Variants in GSE1 observed in about 807,000 individuals in gnomAD.
GSE1 encodes the protein Gse1 coiled-coil protein.
Under a neutral mutation model 112.6 loss-of-function variants are expected in GSE1, and 32 were observed. The ratio of observed to expected loss-of-function variants is 0.28; its 90% CI spans 0.21 to 0.38. The LOEUF is 0.38. Among genes scored for constraint, GSE1 ranks in the 10% least tolerant of loss-of-function variants. The probability of loss-of-function intolerance (pLI) is 1.00; values close to 1 mark genes in which losing one functional copy is unlikely to be tolerated. For synonymous variants in GSE1, 1,115 were observed against 735.6 expected, an observed-to-expected ratio of 1.52 and a Z score of -8.35; for missense variants, 2,348 against 1,699.2, an observed-to-expected ratio of 1.38 and a Z score of -6.71.
At chr16:85,545,130 C>T (rs768477606) in intron 2 of GSE1, among the ~76,000 whole-genome samples, 3 of 152,332 alleles carry the variant, frequency 2.0e-5, no homozygotes, top group South Asian at 4.1e-4. Flanking sequence ...GGCCCGTCTG[C>T]GTCCCAGGAG....
intron 2 of GSE1, among the ~76,000 whole-genome samples, chr16:85,514,288 G>A (rs1256052108): frequency 6.7e-6 from 1 of 149,490 alleles, no homozygotes; most frequent in Admixed American, 6.6e-5. Context: ...AGATTCAGGG[G>A]AGAAGGGCCA....
intron 8 of GSE1, among the ~76,000 whole-genome samples, chr16:85,659,114 C>A (rs533790123): frequency 6.6e-6 from 1 of 152,248 alleles, no homozygotes; most frequent in South Asian, 2.1e-4. Flanking sequence ...GACACAGCTT[C>A]TTCCTGTGGT....
chr16:85,339,289 CG>C (rs1174863014), intron 1 of GSE1, among the ~76,000 whole-genome samples: 2 of 152,176 alleles, frequency 1.3e-5, no homozygotes, highest in Non-Finnish European at 2.9e-5. Context: ...GATTTCCAGC[CG>C]GCGACATCCT....
At chr16:85,387,782 A>G (rs529082672) in intron 2 of GSE1, among the ~76,000 whole-genome samples, 1 of 152,384 alleles carries the variant, frequency 6.6e-6, no homozygotes, top group South Asian at 2.1e-4. Flanking sequence ...GGTACAAAGT[A>G]GGTGATCAGT....
intron 2 of GSE1, among the ~76,000 whole-genome samples, chr16:85,432,982 T>G (rs1295550271): frequency 6.6e-6 from 1 of 152,034 alleles, no homozygotes; most frequent in African/African-American, 2.4e-5. Flanking sequence ...ACACTGTGGA[T>G]GGAAGAGCCC....
At chr16:85,587,180 C>G (rs945544538) in intron 1 of GSE1, among the ~76,000 whole-genome samples, 21 of 151,020 alleles carry the variant, frequency 1.4e-4, no homozygotes, top group Middle Eastern at 3.5e-3. Flanking sequence ...CCCCCCCCCC[C>G]CAGACCAGAC....
intron 1 of GSE1, among the ~76,000 whole-genome samples, chr16:85,249,312 CG>C (rs763743450): frequency 1.3e-4 from 20 of 152,328 alleles, no homozygotes; most frequent in Non-Finnish European, 2.5e-4. Flanking sequence ...TGGGGGATAG[CG>C]GGGACCCCTC....
intron 2 of GSE1, among the ~76,000 whole-genome samples, chr16:85,463,434 G>A (rs1396540143): frequency 2.6e-5 from 4 of 152,070 alleles, no homozygotes; most frequent in African/African-American, 9.7e-5. Context: ...GGAAGTGGCC[G>A]GCGGGCACCG....
At chr16:85,580,390 C>G (rs1159114116) in intron 1 of GSE1, among the ~76,000 whole-genome samples, 1 of 152,124 alleles carries the variant, frequency 6.6e-6, no homozygotes. Context: ...CCGGCCAGCC[C>G]TGAAGGCTGG....
In GSE1 at chr16:85,509,016, G is replaced by T. The variant is rs1029621448; in HGVS notation, c.2465-124898G>T. 2.0e-5 allele frequency among the ~76,000 whole-genome samples: 3 copies of T among 152,340 alleles called. No individual in the cohort carries two copies. In the East Asian group the frequency reaches 5.8e-4, roughly 29 times the overall value. ...GTCTGGTAGGGCTGGGCAAAGGTGGGAACAGCAGGGAGAGGGACTTGAACC... is the reference window on the plus strand; with the variant it reads ...GTCTGGTAGGGCTGGGCAAAGGTGGTAACAGCAGGGAGAGGGACTTGAACC... On this transcript the variant is annotated intron_variant, in intron 2 of 2. Transcript: ENST00000637419.
At chr16:85,624,012 C>T (rs1236138589) in intron 1 of GSE1, among the ~76,000 whole-genome samples, 1 of 152,210 alleles carries the variant, frequency 6.6e-6, no homozygotes, top group Admixed American at 6.5e-5. Context: ...CTCCCACTTA[C>T]CTGAGGGAGC....
intron 1 of GSE1, among the ~76,000 whole-genome samples, chr16:85,212,469 C>T (rs777911108): frequency 6.6e-6 from 1 of 151,938 alleles, no homozygotes; most frequent in Non-Finnish European, 1.5e-5. Context: ...AGCCCTAAGC[C>T]GATAGGACTG....
At chr16:85,235,676 G>T (rs1231516011) in intron 1 of GSE1, among the ~76,000 whole-genome samples, 3 of 151,046 alleles carry the variant, frequency 2.0e-5, no homozygotes, top group Non-Finnish European at 4.4e-5. Flanking sequence ...GTTGGATTCC[G>T]TCCCCTCCCC....
chr16:85,232,435 A>G (rs1415552777), intron 1 of GSE1, among the ~76,000 whole-genome samples: 1 of 152,202 alleles, frequency 6.6e-6, no homozygotes, highest in Non-Finnish European at 1.5e-5. Context: ...GTGGATGGAC[A>G]GGGGCTGATG....
intron 2 of GSE1, among the ~76,000 whole-genome samples, chr16:85,366,591 CT>C (rs1448548832): frequency 6.6e-6 from 1 of 152,198 alleles, no homozygotes; most frequent in Non-Finnish European, 1.5e-5. Context: ...TTAGCAGGGA[CT>C]TTTACCCATG....
chr16:85,480,755 G>C (rs764930088), intron 2 of GSE1, among the ~76,000 whole-genome samples: 3 of 152,108 alleles, frequency 2.0e-5, no homozygotes, highest in African/African-American at 7.2e-5. Flanking sequence ...CAGCACTGTC[G>C]GTCAGGTCCA....
At chr16:85,577,768 G>T (rs145887832) in intron 1 of GSE1, among the ~76,000 whole-genome samples, 3 of 152,318 alleles carry the variant, frequency 2.0e-5, no homozygotes, top group Admixed American at 2.0e-4. Context: ...TTAGGAAGAA[G>T]CCCGGGTCCC....
rs948541016 is a variant in GSE1 at position 85,419,928 on chromosome 16, C to G, written c.2464+62285C>G. Among the ~76,000 whole-genome samples, 1 of 152,194 alleles carries G rather than the reference C, an allele frequency of 6.6e-6. No individual in the cohort carries two copies. The highest frequency in any genetic ancestry group is 2.1e-4 in the South Asian group (1 of 4,832). Reference sequence around the variant, plus strand: ...GGGCTGGAACAGAACTGAGGGACAGCAGGGGCAAAGTCTGAGCTAGGAAGG... The same window carrying G: ...GGGCTGGAACAGAACTGAGGGACAGGAGGGGCAAAGTCTGAGCTAGGAAGG... On this transcript the variant is annotated intron_variant, in intron 2 of 2. Coordinates refer to the GSE1 transcript ENST00000637419. This position sits in a 1 kb window ranked among gnomAD's most constrained non-coding sequence, Gnocchi z 6.5.
intron 3 of GSE1, among the ~76,000 whole-genome samples, chr16:85,652,606 G>C (rs1483970071): frequency 6.6e-6 from 1 of 152,178 alleles, no homozygotes; most frequent in African/African-American, 2.4e-5. Context: ...CTGGAGGGTG[G>C]AGAGAGGGGA....
Sources: gnomAD v4.1 joint callset for allele counts (sites outside exome capture counted in the v4.1 genomes callset) on GRCh38, gnomAD v4.1.1 for gene constraint, Gnocchi (gnomAD v3.1) non-coding constraint, MANE v1.5 for transcripts, NCBI Gene and HGNC (gene_info 2026-07-23, HGNC 2026-07-21) for gene names.